The following NAV2 variants were observed in gnomAD, a reference collection of about 807,000 sequenced individuals.
NAV2 encodes helicase, APC down-regulated 1.
In NAV2, 54 loss-of-function variants were observed where a neutral mutation model predicts 223.2. That is an observed-to-expected ratio of 0.24 (90% CI 0.19 to 0.30). The LOEUF is 0.30. NAV2 is among the 10% of genes least tolerant of loss of function. The pLI is 1.00. For missense variants in NAV2, 2,806 were observed against 3,147.5 expected, an observed-to-expected ratio of 0.89 and a Z score of 2.60; for synonymous variants, 1,279 against 1,239.3, an observed-to-expected ratio of 1.03 and a Z score of -0.67.
intron 25 of NAV2, among the ~76,000 whole-genome samples, chr11:20,080,551 T>C (rs1406713221): frequency 1.7e-5 from 2 of 115,472 alleles, no homozygotes; most frequent in African/African-American, 6.7e-5. Context: ...CTTAAATGGT[T>C]TCTTCATAGA....
At chr11:19,402,343 T>G (rs1208678415) in intron 1 of NAV2, among the ~76,000 whole-genome samples, 1 of 152,308 alleles carries the variant, frequency 6.6e-6, no homozygotes, top group South Asian at 2.1e-4. Flanking sequence ...ACCCACTACA[T>G]AGAGTCGTGG....
chr11:20,031,939 T>C (rs2055799216), intron 11 of NAV2, among the ~76,000 whole-genome samples: 1 of 152,174 alleles, frequency 6.6e-6, no homozygotes. Context: ...GCAACATTCT[T>C]ATCACAGAGC....
intron 1 of NAV2, among the ~76,000 whole-genome samples, chr11:19,419,443 G>T (rs892281584): frequency 1.3e-5 from 2 of 152,150 alleles, no homozygotes; most frequent in Non-Finnish European, 2.9e-5. Flanking sequence ...CATACCTCAG[G>T]ACAGCTGAGG....
Position 20,048,896 on chromosome 11 carries a change from C to G in NAV2, c.4071C>G (p.Ser1357Arg), listed in dbSNP as rs766435088. ...LSSGSSSPLY[S>R]KNVDLNQSPL... Reference sequence around the variant, plus strand: ...GTGGGAGCAGCAGTCCTCTCTACAGCAAGAATGTGGACCTCAACCAGTCTC... The same window carrying G: ...GTGGGAGCAGCAGTCCTCTCTACAGGAAGAATGTGGACCTCAACCAGTCTC... Residue 1357 changes from serine (S) to arginine (R), a missense_variant, in exon 15 of 38, where the codon AGC (serine) becomes AGG (arginine). Around this residue, in one of 4 missense-constraint regions of NAV2, gnomAD observed 742 missense variants for 777.9 expected, o/e 0.95. Transcript: ENST00000349880. 6.2e-7 allele frequency: 1 copy of G among 1,614,200 alleles called. No individual in the cohort carries two copies. The highest frequency in any genetic ancestry group is 8.5e-7 in the Non-Finnish European group (1 of 1,180,036).
chr11:20,092,248 T>G lies in NAV2; in HGVS notation c.5695T>G (p.Ser1899Ala). Residue 1899 changes from serine to alanine, a missense_variant, in exon 28 of 38, where the codon TCA becomes GCA. By Grantham distance (99) the Ser-to-Ala change is moderately conservative (BLOSUM62 1). Around this residue, in one of 4 missense-constraint regions of NAV2, gnomAD observed 824 missense variants for 1,069.4 expected, o/e 0.77. Transcript: ENST00000349880. ...GAAAGCTGAGAATGATCGGCTGAAGTCAGAGTCTCAAGGCAGTGGCTGCAG... is the reference window on the plus strand; with the variant it reads ...GAAAGCTGAGAATGATCGGCTGAAGGCAGAGTCTCAAGGCAGTGGCTGCAG... ...KLKAENDRLK[S>A]ESQGSGCSRA... 2 of 1,614,192 alleles carry G rather than the reference T, an allele frequency of 1.2e-6. No individual in the cohort carries two copies. Among genetic ancestry groups the G allele is most frequent in the South Asian group, 2.2e-5 (2 of 91,088 alleles).
At chr11:19,924,306 A>AC (rs536403196) in intron 6 of NAV2, among the ~76,000 whole-genome samples, 37 of 151,376 alleles carry the variant, frequency 2.4e-4, no homozygotes, top group South Asian at 1.5e-3. Context: ...AAAAAAAAAA[A>AC]AAAAACAAAA....
intron 11 of NAV2, among the ~76,000 whole-genome samples, chr11:20,034,235 A>G (rs2056098890): frequency 6.9e-5 from 1 of 14,526 alleles, no homozygotes; most frequent in Non-Finnish European, 1.7e-4. Context: ...CCTGTACAAT[A>G]GAAAAACAAT....
intron 11 of NAV2, chr11:20,027,209 GGTAGCC>G: frequency 1.1e-6 from 1 of 944,658 alleles, no homozygotes. Context: ...GGGAAATGTA[GGTAGCC>G]AAACCCTTTC....
intron 1 of NAV2, among the ~76,000 whole-genome samples, chr11:19,560,181 T>C (rs1319342253): frequency 6.6e-6 from 1 of 152,182 alleles, no homozygotes; most frequent in Non-Finnish European, 1.5e-5. Flanking sequence ...GTGGCCTCCT[T>C]TGGTGATTTC....
At position 20,027,412 on chromosome 11, in the gene NAV2, C is replaced by T. The variant is rs1404959217; in HGVS notation, c.2769-8547C>T. 8 of 985,552 alleles carry T rather than the reference C, an allele frequency of 8.1e-6. No individual in the cohort carries two copies. The Admixed American group carries it at 2.5e-4, about 30-fold the overall frequency. 61.1% of individuals were successfully genotyped at this position (985,552 alleles called of 1,614,324 possible). ...CAGCTGTCTGGCGGGGGGCATGGGC[C>T]AGCCCTGTAAATGGGCTGTGCCTTG... On this transcript the variant is annotated intron_variant, in intron 11 of 37. Coordinates refer to ENST00000349880, the MANE Select transcript of NAV2 (RefSeq NM_145117.5).
At chr11:19,475,855 T>C (rs1038033265) in intron 1 of NAV2, among the ~76,000 whole-genome samples, 1 of 152,276 alleles carries the variant, frequency 6.6e-6, no homozygotes, top group Non-Finnish European at 1.5e-5. Context: ...ACTTTTGTCG[T>C]GCATGTTCAT....
At chr11:19,719,768 GAAC>G (rs2050612445) in intron 1 of NAV2, among the ~76,000 whole-genome samples, 1 of 152,188 alleles carries the variant, frequency 6.6e-6, no homozygotes. Flanking sequence ...GGTAAATTAA[GAAC>G]AACGTCATCC....
intron 3 of NAV2, among the ~76,000 whole-genome samples, chr11:19,851,823 G>C (rs147964218): frequency 2.0e-5 from 3 of 152,196 alleles, no homozygotes; most frequent in Non-Finnish European, 4.4e-5. Context: ...TTCCAAATGC[G>C]ATTAAGGATT....
intron 12 of NAV2, among the ~76,000 whole-genome samples, chr11:20,036,765 C>G (rs1180498481): frequency 6.6e-6 from 1 of 152,200 alleles, no homozygotes; most frequent in Non-Finnish European, 1.5e-5. Context: ...TGACAATCAA[C>G]AGATGTCCCA....
chr11:19,810,583 T>C (rs1409269684), intron 1 of NAV2, among the ~76,000 whole-genome samples: 1 of 152,272 alleles, frequency 6.6e-6, no homozygotes, highest in Non-Finnish European at 1.5e-5. Context: ...TAAACTATAC[T>C]ATAGTTTATA....
At position 19,892,516 on chromosome 11, in the gene NAV2, C is replaced by G. The variant is rs200244681; in HGVS notation, c.853C>G (p.Arg285Gly). The stretch of plus-strand genomic sequence containing the variant: ...AGGGTCAACTACTGCTAACAACCGA[C>G]GCAGCCAGAGCTTTAACAACTATGA... ...RGGSTTANNR[R>G]SQSFNNYDKS... Residue 285 changes from arginine (R) to glycine (G), a missense_variant, in exon 6 of 38, where the codon CGC becomes GGC. Physicochemically the swap from Arg to Gly is moderately radical, Grantham distance 125. This residue lies in a region of NAV2 where 1,167 missense variants were observed against 1,180.5 expected (regional missense o/e 0.99). Coordinates refer to ENST00000349880, the MANE Select transcript of NAV2 (RefSeq NM_145117.5). The G allele has an allele frequency of 6.2e-7, 1 of 1,614,222 alleles. No individual in the cohort carries two copies. Among genetic ancestry groups the G allele is most frequent in the African/African-American group, 1.3e-5 (1 of 75,072 alleles).
intron 6 of NAV2, chr11:19,931,649 A>G (rs1205792239): frequency 1.3e-5 from 2 of 149,654 alleles, no homozygotes; most frequent in East Asian, 4.1e-4. Flanking sequence ...GCTTCTGGGC[A>G]CTGGAGTAGT....
chr11:19,678,975 A>G (rs2048799885), intron 1 of NAV2, among the ~76,000 whole-genome samples: 1 of 152,236 alleles, frequency 6.6e-6, no homozygotes, highest in Admixed American at 6.5e-5. Flanking sequence ...TATGTTGACT[A>G]ATATTTATCA....
intron 12 of NAV2, among the ~76,000 whole-genome samples, chr11:20,040,578 T>C (rs2056819570): frequency 6.6e-6 from 1 of 152,202 alleles, no homozygotes; most frequent in African/African-American, 2.4e-5. Flanking sequence ...CACATCATGC[T>C]CCTCAGGCCT....
Sources: allele counts gnomAD v4.1 joint callset (sites outside exome capture counted in the v4.1 genomes callset), GRCh38; gene constraint gnomAD v4.1.1; regional missense constraint gnomAD v4.1.1; transcripts MANE v1.5; gene names NCBI Gene and HGNC (gene_info 2026-07-23, HGNC 2026-07-21).